Variants in TUT4 observed in about 807,000 individuals in gnomAD.
The protein encoded by TUT4 is terminal uridylyl transferase 4, also known as terminal uridylyltransferase 4.
TUT4 carries 36 observed loss-of-function variants against 192.2 expected under a neutral mutation model. The ratio of observed to expected loss-of-function variants is 0.19; its 90% CI spans 0.14 to 0.25. The LOEUF (loss-of-function observed/expected upper bound fraction) is 0.25, where lower values mean the gene tolerates loss of function less well. Among genes scored for constraint, TUT4 ranks in the 10% least tolerant of loss-of-function variants. The pLI is 1.00. For synonymous variants in TUT4, 618 were observed against 666.0 expected, an observed-to-expected ratio of 0.93 and a Z score of 1.11; for missense variants, 1,493 against 1,957.2, an observed-to-expected ratio of 0.76 and a Z score of 4.47.
At chr1:52,488,535 GA>G (rs1340907129) in intron 9 of TUT4, among the ~76,000 whole-genome samples, 6 of 151,984 alleles carry the variant, frequency 3.9e-5, no homozygotes, top group African/African-American at 7.2e-5. Context: ...AGAGACTGGG[GA>G]AAAAAATATG....
rs750263260 is a variant in TUT4 at position 52,481,921 on chromosome 1, C to G, written c.1518G>C (p.Leu506Phe). 1 of 1,513,184 alleles carries G rather than the reference C, an allele frequency of 6.6e-7. No homozygotes were observed. The highest frequency in any genetic ancestry group is 8.8e-7 in the Non-Finnish European group (1 of 1,138,148). The allele number at this position is 1,513,184 out of a possible 1,614,324, so 93.7% of individuals were successfully genotyped here. A position where few individuals can be genotyped will look rare whatever the true frequency, so the allele number is the denominator to read the frequency against. ...LVLAFRYWAKLCYIDSQTDGG... is the reference protein window; with the variant it reads ...LVLAFRYWAKFCYIDSQTDGG... ...CATCAGTTTGGGAGTCAATATAGCA[C>G]AACTGCAAAATGAAGGGGAAAAAAG... The change falls in exon 10 of 30, where the codon TTG becomes TTC. Residue 506 changes from leucine (L) to phenylalanine (F), a missense_variant and splice_region_variant. Physicochemically the swap from Leu to Phe is conservative, Grantham distance 22. This residue lies in a region of TUT4 where 437 missense variants were observed against 577.6 expected (regional missense o/e 0.76). Coordinates refer to ENST00000257177, the MANE Select transcript of TUT4 (RefSeq NM_001009881.3).
chr1:52,540,664 T>A (rs1350109656), intron 1 of TUT4, among the ~76,000 whole-genome samples: 1 of 152,226 alleles, frequency 6.6e-6, no homozygotes, highest in African/African-American at 2.4e-5. Flanking sequence ...ACCCTGTTTA[T>A]GACTTGCCTA....
chr1:52,526,169 T>TTCTAGC lies in TUT4; in HGVS notation c.106_111dup (p.Ala36_Arg37dup). 1 of 1,612,280 alleles carries TTCTAGC rather than the reference T, an allele frequency of 6.2e-7. No individual in the cohort carries two copies. The highest frequency in any genetic ancestry group is 8.5e-7 in the Non-Finnish European group (1 of 1,179,838). ...TCAATTTCTTTTACGGATTTATCAT[T>TTCTAGC]TCTAGCTTTCAATGTTTGATTACCT... On this transcript the variant is annotated inframe_insertion, in exon 2 of 30. Transcript: ENST00000257177.
intron 1 of TUT4, 42 bp downstream of exon 1, chr1:52,552,889 C>T (rs1232715448): frequency 2.6e-5 from 4 of 152,716 alleles, no homozygotes; most frequent in African/African-American, 9.6e-5. Flanking sequence ...CCGAGCACAC[C>T]CCCTCGGTAC....
intron 4 of TUT4, among the ~76,000 whole-genome samples, chr1:52,503,278 C>G (rs1674660833): frequency 6.6e-6 from 1 of 152,092 alleles, no homozygotes; most frequent in African/African-American, 2.4e-5. Context: ...CATATAATCC[C>G]AGCCCTCATG....
intron 4 of TUT4, among the ~76,000 whole-genome samples, chr1:52,502,112 C>T (rs1210549631): frequency 6.8e-6 from 1 of 147,926 alleles, no homozygotes; most frequent in African/African-American, 2.5e-5. Context: ...TAAATTTTAT[C>T]TTATATATAT....
intron 11 of TUT4, 53 bp downstream of exon 11, chr1:52,481,370 T>C: frequency 6.4e-7 from 1 of 1,565,192 alleles, no homozygotes; most frequent in Non-Finnish European, 8.8e-7. Flanking sequence ...AATCGAAGAA[T>C]ATCACAAATT....
chr1:52,509,618 T>C lies in TUT4; in HGVS notation c.977A>G (p.Lys326Arg), dbSNP rs764727186. ...TACCAAAATATTTTTCTTATGTCGT[T>C]TCTCCTTTATATGTTTATGAGCCCC... ...IQGAHKHIKEKRHKKNILEKQ... is the reference protein window; with the variant it reads ...IQGAHKHIKERRHKKNILEKQ... The change falls in exon 4 of 30, where the codon AAA becomes AGA. Residue 326 changes from lysine (K) to arginine (R), a missense_variant. Lys to Arg is a conservative substitution (Grantham distance 26). This residue lies in a region of TUT4 where 437 missense variants were observed against 577.6 expected (regional missense o/e 0.76). Transcript: ENST00000257177. 1 of 1,586,174 alleles carries C rather than the reference T, an allele frequency of 6.3e-7. No individual in the cohort carries two copies. The highest frequency in any genetic ancestry group is 8.6e-7 in the Non-Finnish European group (1 of 1,160,356).
chr1:52,441,459 T>A (rs976017143), intron 24 of TUT4, among the ~76,000 whole-genome samples: 96 of 148,332 alleles, frequency 6.5e-4, no homozygotes, highest in Non-Finnish European at 1.0e-3. Flanking sequence ...TTTTTTTTTT[T>A]TTTTTTTGTA....
rs1053831754 is a variant in TUT4 at position 52,537,187 on chromosome 1, T to G, written c.-93-10814A>C. ...TCAAAATAAATAAATAAATAAAAAT[T>G]AAAAAAAAGAGAGAGATTGGCAAAT... On this transcript the variant is annotated intron_variant, in intron 1 of 29. Coordinates refer to ENST00000257177, the MANE Select transcript of TUT4 (RefSeq NM_001009881.3). 1.9e-4 allele frequency among the ~76,000 whole-genome samples: 28 copies of G among 150,850 alleles called. No individual in the cohort carries two copies. The South Asian group carries it at 5.7e-3, about 30-fold the overall frequency.
intron 28 of TUT4, among the ~76,000 whole-genome samples, chr1:52,427,010 GAAT>G (rs1269666856): frequency 1.3e-5 from 2 of 151,996 alleles, no homozygotes; most frequent in African/African-American, 2.4e-5. Flanking sequence ...TCTATACAAT[GAAT>G]AATATTAAGT....
At chr1:52,511,642 G>C (rs1224979858) in intron 3 of TUT4, among the ~76,000 whole-genome samples, 1 of 152,084 alleles carries the variant, frequency 6.6e-6, no homozygotes, top group East Asian at 1.9e-4. Context: ...ATTTCAAGCA[G>C]AGGGAAAAGT....
At chr1:52,479,358 A>G (rs952108179) in intron 11 of TUT4, among the ~76,000 whole-genome samples, 2 of 152,170 alleles carry the variant, frequency 1.3e-5, no homozygotes, top group Admixed American at 1.3e-4. Context: ...AACAGACCAT[A>G]AGAGGAAAGG....
intron 18 of TUT4, 37 bp from the exon 19 acceptor site, chr1:52,461,260 T>C: frequency 6.5e-7 from 1 of 1,548,978 alleles, no homozygotes. Flanking sequence ...GATTTCAAAT[T>C]TCGTAAAATT....
chr1:52,490,379 T>C (rs1296797802), intron 8 of TUT4, among the ~76,000 whole-genome samples: 5 of 151,938 alleles, frequency 3.3e-5, no homozygotes. Context: ...TAGTCTTGAA[T>C]TCCTGGGCTC....
chr1:52,530,026 A>G (rs1682919723), intron 1 of TUT4: 1 of 152,078 alleles, frequency 6.6e-6, no homozygotes, highest in Non-Finnish European at 1.5e-5. Context: ...TATTTTTTGT[A>G]GAGACAGGAT....
At chr1:52,487,695 A>G (rs1446329810) in intron 9 of TUT4, among the ~76,000 whole-genome samples, 1 of 152,014 alleles carries the variant, frequency 6.6e-6, no homozygotes, top group East Asian at 1.9e-4. Flanking sequence ...TTGAGCCCAG[A>G]AGTTCAAGGC....
intron 20 of TUT4, among the ~76,000 whole-genome samples, chr1:52,452,903 T>C (rs1469921486): frequency 6.6e-6 from 1 of 152,174 alleles, no homozygotes; most frequent in Non-Finnish European, 1.5e-5. Context: ...AAACTGGGGA[T>C]AGTCTTGTGG....
intron 2 of TUT4, among the ~76,000 whole-genome samples, chr1:52,517,659 A>G (rs975010841): frequency 1.3e-5 from 2 of 152,252 alleles, no homozygotes; most frequent in African/African-American, 2.4e-5. Context: ...GCTAGGTTAC[A>G]TAAGTGTTTC....
Sources: allele counts gnomAD v4.1 joint callset (sites outside exome capture counted in the v4.1 genomes callset), GRCh38; gene constraint gnomAD v4.1.1; regional missense constraint gnomAD v4.1.1; transcripts MANE v1.5; gene names NCBI Gene and HGNC (gene_info 2026-07-23, HGNC 2026-07-21).